Variants in DBF4 observed in about 807,000 individuals in gnomAD.
DBF4 encodes DBF4-CDC7 kinase regulatory subunit.
A neutral mutation model predicts 76.6 loss-of-function variants in DBF4; 25 were observed. The ratio of observed to expected loss-of-function variants is 0.33; its 90% CI spans 0.24 to 0.46. The LOEUF is 0.46. Among genes scored for constraint, DBF4 ranks in the 20% least tolerant of loss-of-function variants. DBF4 has a pLI of 1.00. For missense variants in DBF4, 638 were observed against 760.8 expected (o/e 0.84, Z 1.90); for synonymous variants, 213 against 258.0 (o/e 0.83, Z 1.67).
intron 3 of DBF4, among the ~76,000 whole-genome samples, chr7:87,885,978 C>T (rs548390712): frequency 6.6e-6 from 1 of 152,172 alleles, no homozygotes; most frequent in East Asian, 1.9e-4. Context: ...TATTATTTTA[C>T]AATATTCTCC....
At chr7:87,901,147 A>G (rs1839776560) in intron 10 of DBF4, among the ~76,000 whole-genome samples, 1 of 152,082 alleles carries the variant, frequency 6.6e-6, no homozygotes, top group South Asian at 2.1e-4. Flanking sequence ...ATAGGGGTGG[A>G]GATAGGTAAC....
intron 10 of DBF4, among the ~76,000 whole-genome samples, chr7:87,904,045 T>A (rs1839858152): frequency 6.6e-6 from 1 of 152,222 alleles, no homozygotes; most frequent in Admixed American, 6.5e-5. Context: ...CCATTGTAAC[T>A]ACAAATTAGT....
chr7:87,893,805 T>C (rs1176739605), intron 6 of DBF4, among the ~76,000 whole-genome samples: 1 of 152,262 alleles, frequency 6.6e-6, no homozygotes. Context: ...TTATACTTAA[T>C]GTAACTATTG....
chr7:87,885,486 G>A (rs753707048), intron 3 of DBF4, among the ~76,000 whole-genome samples: 13 of 152,156 alleles, frequency 8.5e-5, no homozygotes, highest in Admixed American at 3.3e-4. Context: ...TCAGAGCAGG[G>A]GTCAGCAAAC....
chr7:87,906,918 A>T (rs1839926646), intron 11 of DBF4, among the ~76,000 whole-genome samples: 2 of 152,092 alleles, frequency 1.3e-5, no homozygotes, highest in African/African-American at 4.8e-5. Flanking sequence ...AAAATTCAGG[A>T]TATTGGTTAT....
intron 6 of DBF4, among the ~76,000 whole-genome samples, chr7:87,890,390 G>A (rs570148460): frequency 2.0e-5 from 3 of 152,130 alleles, no homozygotes; most frequent in African/African-American, 7.2e-5. Flanking sequence ...AAAAATGCCC[G>A]GTGTGGTGGT....
intron 3 of DBF4, among the ~76,000 whole-genome samples, chr7:87,885,496 C>T (rs1410841661): frequency 6.6e-6 from 1 of 152,212 alleles, no homozygotes; most frequent in East Asian, 1.9e-4. Context: ...GGTCAGCAAA[C>T]TCTGGCCCAT....
chr7:87,905,308 A>G (rs944719631), intron 11 of DBF4, among the ~76,000 whole-genome samples: 2 of 152,250 alleles, frequency 1.3e-5, no homozygotes, highest in African/African-American at 2.4e-5. Context: ...TGACGGCTAG[A>G]TTTTGCCCAC....
chr7:87,890,439 A>G (rs1443825714), intron 6 of DBF4, among the ~76,000 whole-genome samples: 8 of 152,152 alleles, frequency 5.3e-5, no homozygotes, highest in Non-Finnish European at 1.2e-4. Context: ...GGCTGATAGA[A>G]GAGAATCACT....
chr7:87,898,790 CAAA>C (rs548418733), intron 8 of DBF4, among the ~76,000 whole-genome samples: 3 of 62,404 alleles, frequency 4.8e-5, no homozygotes, highest in African/African-American at 1.1e-4. Context: ...GACTCCGTCT[CAAA>C]AAAAAAAAAA....
In DBF4 at chr7:87,876,825, C is replaced by T; in HGVS notation, c.46+47C>T. 4 of 1,598,544 alleles carry T rather than the reference C, an allele frequency of 2.5e-6. No individual in the cohort carries two copies. In the Admixed American group the frequency reaches 5.0e-5, roughly 20 times the overall value. On this transcript the variant is annotated intron_variant, in intron 1 of 11. Transcript: ENST00000265728. ...TGCAGTCCCTTTAATCCTTTCCTCCCCTCGTGGTTCCACCATTGATTCTTC... is the reference window on the plus strand; with the variant it reads ...TGCAGTCCCTTTAATCCTTTCCTCCTCTCGTGGTTCCACCATTGATTCTTC...
chr7:87,877,572 T>C (rs1396564409), intron 1 of DBF4, among the ~76,000 whole-genome samples: 2 of 152,216 alleles, frequency 1.3e-5, no homozygotes, highest in East Asian at 3.8e-4. Context: ...CGTTTAGTTG[T>C]TAATATGCAG....
chr7:87,879,159 G>A (rs879440388), intron 2 of DBF4, among the ~76,000 whole-genome samples: 1 of 152,100 alleles, frequency 6.6e-6, no homozygotes, highest in Non-Finnish European at 1.5e-5. Context: ...GTGTTGCCCA[G>A]GCTGGTCTCA....
intron 8 of DBF4, among the ~76,000 whole-genome samples, chr7:87,899,918 A>G (rs1839730365): frequency 6.6e-6 from 1 of 152,184 alleles, no homozygotes; most frequent in South Asian, 2.1e-4. Flanking sequence ...CAAGATGAAA[A>G]TACGTCATCT....
Position 87,897,275 on chromosome 7 carries a change from T to C in DBF4, c.635-19T>C. On this transcript the variant is annotated intron_variant, in intron 7 of 11. Coordinates refer to ENST00000265728, the MANE Select transcript of DBF4 (RefSeq NM_006716.4). The stretch of plus-strand genomic sequence containing the variant: ...ATCCTGAATTTGCAAGTATCTAATA[T>C]GTTTTCTATGTTCTCAAGCAGGAAG... 1.9e-6 allele frequency: 3 copies of C among 1,597,190 alleles called. No homozygotes were observed. Among genetic ancestry groups the C allele is most frequent in the Non-Finnish European group, 1.7e-6 (2 of 1,174,300 alleles).
chr7:87,893,566 T>C lies in DBF4; in HGVS notation c.598-2908T>C, dbSNP rs966883717. The stretch of plus-strand genomic sequence containing the variant: ...GGCCTTCTTATGTCTTCCTGGTGAA[T>C]TGACCCTTCTAGCCTCTGTAATGCT... On this transcript the variant is annotated intron_variant, in intron 6 of 11. Transcript: ENST00000265728. Among the ~76,000 whole-genome samples, 45 of 152,220 alleles carry C rather than the reference T, an allele frequency of 3.0e-4. 1 individual carries two copies. Among genetic ancestry groups the C allele is most frequent in the Admixed American group, 2.8e-3 (43 of 15,280 alleles).
At chr7:87,885,959 T>G (rs1294414103) in intron 3 of DBF4, among the ~76,000 whole-genome samples, 4 of 152,184 alleles carry the variant, frequency 2.6e-5, no homozygotes, top group Admixed American at 2.0e-4. Flanking sequence ...GGTTGAAGTG[T>G]AATTAAGTTA....
chr7:87,905,067 C>T (rs919912746), intron 11 of DBF4, among the ~76,000 whole-genome samples: 3 of 152,216 alleles, frequency 2.0e-5, no homozygotes, highest in African/African-American at 2.4e-5. Flanking sequence ...TCTCATGCCT[C>T]AGCCTCCTGA....
chr7:87,886,192 T>C (rs1839344562), intron 3 of DBF4, among the ~76,000 whole-genome samples: 1 of 152,148 alleles, frequency 6.6e-6, no homozygotes, highest in Non-Finnish European at 1.5e-5. Context: ...TCCAAAATAA[T>C]TGTTGGTTAT....
Sources: gnomAD v4.1 joint callset for allele counts (sites outside exome capture counted in the v4.1 genomes callset) on GRCh38, gnomAD v4.1.1 for gene constraint, MANE v1.5 for transcripts, NCBI Gene and HGNC (gene_info 2026-07-23, HGNC 2026-07-21) for gene names.